The following KANK1 variants were observed in gnomAD, a reference collection of about 807,000 sequenced individuals.
The protein encoded by KANK1 is KN motif and ankyrin repeat domain-containing protein 1.
A neutral mutation model predicts 106.2 loss-of-function variants in KANK1; 109 were observed. The observed-to-expected ratio is 1.03, with a 90% confidence interval of 0.88 to 1.20. The LOEUF (loss-of-function observed/expected upper bound fraction) is 1.20. Ranked by LOEUF, KANK1 falls within the 50% of genes most tolerant of loss-of-function variation. The probability of loss-of-function intolerance (pLI) is 0.00; values close to 1 mark genes in which losing one functional copy is unlikely to be tolerated. For missense variants in KANK1, 2,399 were observed against 1,710.7 expected (o/e 1.40, Z -7.10); for synonymous variants, 873 against 652.2 (o/e 1.34, Z -5.16).
At chr9:643,649 G>T (rs1215147833) in intron 1 of KANK1, among the ~76,000 whole-genome samples, 3 of 147,030 alleles carry the variant, frequency 2.0e-5, no homozygotes, top group Non-Finnish European at 4.4e-5. Flanking sequence ...CAAAGTGTGA[G>T]GATTACCGGT....
intron 1 of KANK1, among the ~76,000 whole-genome samples, chr9:512,230 A>AGTGTGTGTGTGTGTGTGTGTGT (rs71678968): frequency 1.5e-5 from 2 of 136,894 alleles, no homozygotes; most frequent in African/African-American, 6.3e-5. Flanking sequence ...CATAACCAAT[A>AGTGTGTGTGTGTGTGTGTGTGT]GTGTGTGTGT....
rs59053892 is a variant in KANK1 at position 647,999 on chromosome 9, C to CTTTT, written c.-83-28874_-83-28871dup. Among the ~76,000 whole-genome samples, 269 of 118,302 alleles carry CTTTT rather than the reference C, an allele frequency of 2.3e-3. 9 individuals carry two copies. Among genetic ancestry groups the CTTTT allele is most frequent in the African/African-American group, 9.1e-3 (253 of 27,774 alleles). 77.6% of individuals were successfully genotyped at this position (118,302 alleles called of 152,430 possible). A position where few individuals can be genotyped will look rare whatever the true frequency, so the allele number is the denominator to read the frequency against. The stretch of plus-strand genomic sequence containing the variant: ...GACCACCATTTCTGGGGGTTGTTAT[C>CTTTT]TTTTTTTTTTTTTTTTTTTTGATAC... On this transcript the variant is annotated intron_variant, in intron 1 of 11. Coordinates refer to ENST00000382297, the MANE Select transcript of KANK1 (RefSeq NM_015158.5).
chr9:520,374 G>A (rs552926400), intron 1 of KANK1, among the ~76,000 whole-genome samples: 4 of 151,352 alleles, frequency 2.6e-5, no homozygotes, highest in Non-Finnish European at 5.9e-5. Context: ...GAAGTGACCA[G>A]TTCATTCATA....
chr9:560,825 A>G (rs1402202356), intron 1 of KANK1, among the ~76,000 whole-genome samples: 2 of 152,188 alleles, frequency 1.3e-5, no homozygotes, highest in East Asian at 3.8e-4. Flanking sequence ...AACATGAACA[A>G]ATACACAATT....
At chr9:598,090 C>T (rs1826674439) in intron 1 of KANK1, among the ~76,000 whole-genome samples, 2 of 151,852 alleles carry the variant, frequency 1.3e-5, no homozygotes, top group East Asian at 3.9e-4. Context: ...ATGTAGATAT[C>T]TAGTTTTCCC....
intron 1 of KANK1, among the ~76,000 whole-genome samples, chr9:624,846 A>G (rs955176089): frequency 3.8e-4 from 58 of 152,272 alleles, no homozygotes; most frequent in African/African-American, 1.3e-3. Context: ...AATGAAAAAA[A>G]TAGCTGCCTT....
chr9:703,968 C>T (rs553453375), intron 2 of KANK1, among the ~76,000 whole-genome samples: 6 of 152,318 alleles, frequency 3.9e-5, no homozygotes, highest in Admixed American at 3.3e-4. Context: ...CCCACCTCGG[C>T]CTCCCAAAGT....
At chr9:581,212 AGGGGCTCCCACAGT>A (rs1241745495) in intron 1 of KANK1, among the ~76,000 whole-genome samples, 33 of 152,128 alleles carry the variant, frequency 2.2e-4, no homozygotes, top group Admixed American at 1.4e-3. Context: ...CAGCCCAGAG[AGGGGCTCCCACAGT>A]GCAGCGGCGG....
chr9:744,748 G>A lies in KANK1; in HGVS notation c.3996+159G>A, dbSNP rs149996372. On this transcript the variant is annotated intron_variant, in intron 11 of 11. Transcript: ENST00000382297. ...AGTTCATCCTTTCCGCCTCCACCCC[G>A]CAAAAAGCAGGAGAACTAATGTTTT... is the stretch of plus-strand genomic sequence containing the variant. The A allele has an allele frequency of 1.4e-4, 212 of 1,505,756 alleles. 1 individual carries two copies. The East Asian group carries it at 2.5e-3, about 18-fold the overall frequency. 93.3% of individuals were successfully genotyped at this position (1,505,756 alleles called of 1,614,324 possible). A position where few individuals can be genotyped will look rare whatever the true frequency, so the allele number is the denominator to read the frequency against.
chr9:497,826 C>G (rs893120328), intron 3 of KANK1, among the ~76,000 whole-genome samples: 11 of 149,446 alleles, frequency 7.4e-5, no homozygotes, highest in Admixed American at 6.6e-4. Flanking sequence ...GCACTCCAGC[C>G]TGGGCGACAG....
intron 3 of KANK1, among the ~76,000 whole-genome samples, chr9:482,126 C>A (rs1200141727): frequency 2.0e-5 from 3 of 152,172 alleles, no homozygotes. Flanking sequence ...CACCTGCAGT[C>A]AGAGCCCTTA....
Position 616,376 on chromosome 9 carries a change from T to C in KANK1, c.-83-60514T>C, listed in dbSNP as rs1378565308. Among the ~76,000 whole-genome samples the C allele has an allele frequency of 3.9e-5, 6 of 152,164 alleles. No homozygotes were observed. The East Asian group carries it at 1.2e-3, about 29-fold the overall frequency. Reference sequence around the variant, plus strand: ...CTTGTGCTGATTATTAGAATGGACATCCTGAACACCACTTAAATTACCATC... The same window carrying C: ...CTTGTGCTGATTATTAGAATGGACACCCTGAACACCACTTAAATTACCATC... On this transcript the variant is annotated intron_variant, in intron 1 of 11. Coordinates refer to ENST00000382297, the MANE Select transcript of KANK1 (RefSeq NM_015158.5).
chr9:744,714 G>C, intron 11 of KANK1, 125 bp downstream of exon 11: 3 of 1,569,546 alleles, frequency 1.9e-6, no homozygotes, highest in South Asian at 1.2e-5. Flanking sequence ...TTTTAGTCTG[G>C]AGCTTAAGAG....
At chr9:516,321 T>A (rs1257251229) in intron 1 of KANK1, among the ~76,000 whole-genome samples, 1 of 151,714 alleles carries the variant, frequency 6.6e-6, no homozygotes, top group Non-Finnish European at 1.5e-5. Flanking sequence ...TTTGCTGAAT[T>A]CCTATCAAGA....
chr9:578,214 C>T (rs946317924), intron 1 of KANK1, among the ~76,000 whole-genome samples: 1 of 152,172 alleles, frequency 6.6e-6, no homozygotes, highest in Admixed American at 6.5e-5. Flanking sequence ...AAGCATTCAC[C>T]TTTTGTTTTA....
chr9:661,684 G>A (rs71488144), intron 1 of KANK1, among the ~76,000 whole-genome samples: 30 of 151,732 alleles, frequency 2.0e-4, no homozygotes, highest in African/African-American at 7.3e-5. Flanking sequence ...ATTCTAGATC[G>A]TTGAGGAATC....
At chr9:721,018 T>G (rs1348461952) in intron 3 of KANK1, among the ~76,000 whole-genome samples, 1 of 152,208 alleles carries the variant, frequency 6.6e-6, no homozygotes, top group Non-Finnish European at 1.5e-5. Flanking sequence ...ATCTCAATCC[T>G]GGCAGCACAA....
intron 2 of KANK1, chr9:706,943 C>G (rs905377841): frequency 1.0e-6 from 1 of 985,358 alleles, no homozygotes; most frequent in African/African-American, 1.7e-5. Flanking sequence ...ATTTAAAAAT[C>G]AGCTGGCAAA....
upstream of KANK1, among the ~76,000 whole-genome samples, chr9:500,639 T>G (rs966755858): frequency 1.3e-5 from 2 of 152,206 alleles, no homozygotes; most frequent in African/African-American, 4.8e-5. Flanking sequence ...ATTTAACATA[T>G]GAAGGTGATT....
Sources: gnomAD v4.1 joint callset for allele counts (sites outside exome capture counted in the v4.1 genomes callset) on GRCh38, gnomAD v4.1.1 for gene constraint, MANE v1.5 for transcripts, NCBI Gene and HGNC (gene_info 2026-07-23, HGNC 2026-07-21) for gene names.